Variants in ZC3H4 observed in about 807,000 individuals in gnomAD.
The protein encoded by ZC3H4 is zinc finger CCCH-type containing 4, also known as zinc finger CCCH domain-containing protein 4.
A neutral mutation model predicts 108.3 loss-of-function variants in ZC3H4; 13 were observed. That is an observed-to-expected ratio of 0.12 (90% CI 0.08 to 0.19). The LOEUF is 0.19. ZC3H4 is among the 10% of genes least tolerant of loss of function. The probability of loss-of-function intolerance (pLI) is 1.00; values close to 1 mark genes in which losing one functional copy is unlikely to be tolerated. For missense variants in ZC3H4, 1,734 were observed against 1,838.8 expected (o/e 0.94, Z 1.04); for synonymous variants, 917 against 749.6 (o/e 1.22, Z -3.65).
At position 47,066,592 on chromosome 19, in the gene ZC3H4, C is replaced by T; in HGVS notation, c.3676G>A (p.Ala1226Thr). 6.3e-7 allele frequency: 1 copy of T among 1,599,012 alleles called. No individual in the cohort carries two copies. The highest frequency in any genetic ancestry group is 1.1e-5 in the South Asian group (1 of 89,288). The part of the protein sequence containing the change: ...NSYNRPRPKA[A>T]AAPAATTATP... ...GCGGTGGTGGCAGCGGGGGCTGCAG[C>T]AGCCTTGGGCCGGGGCCGGTTGTAG... Residue 1226 changes from alanine (A) to threonine (T), a missense_variant, in exon 15 of 15, where the codon GCT becomes ACT. Coordinates refer to ENST00000253048, the MANE Select transcript of ZC3H4 (RefSeq NM_015168.2).
chr19:47,112,216 G>C (rs545269619), intron 2 of ZC3H4: 100 of 1,194,770 alleles, frequency 8.4e-5, no homozygotes, highest in Admixed American at 4.7e-4. Context: ...CGCCGCGAGG[G>C]GGGGGAAACG....
chr19:47,090,336 T>C (rs1011362947), intron 4 of ZC3H4, 147 bp from the exon 5 acceptor site: 6 of 823,218 alleles, frequency 7.3e-6, no homozygotes, highest in Non-Finnish European at 9.5e-6. Context: ...CCAGCCCCTC[T>C]GGGGACTGGT....
At position 47,086,473 on chromosome 19, in the gene ZC3H4, T is replaced by A; in HGVS notation, c.781A>T (p.Met261Leu). ...CCCCTGCCTCGGCTGCCCCTGCCCA[T>A]GCCGCGGCCTCGCGATCCTCCACGG... is the stretch of plus-strand genomic sequence containing the variant. Reference protein sequence around the residue: ...GSRGGSRGRGMGRGSRGRGRG... With the variant: ...GSRGGSRGRGLGRGSRGRGRG... Residue 261 changes from methionine to leucine, a missense_variant, in exon 6 of 15, where the codon ATG becomes TTG. Transcript: ENST00000253048. 1 of 1,610,702 alleles carries A rather than the reference T, an allele frequency of 6.2e-7. No individual in the cohort carries two copies.
At chr19:47,100,786 C>T (rs2057894338) in intron 2 of ZC3H4, among the ~76,000 whole-genome samples, 1 of 152,068 alleles carries the variant, frequency 6.6e-6, no homozygotes, top group African/African-American at 2.4e-5. Flanking sequence ...GCAACCTTCG[C>T]CTCCTGGGTT....
chr19:47,100,444 C>T lies in ZC3H4; in HGVS notation c.162-5836G>A, dbSNP rs549435664. On this transcript the variant is annotated intron_variant, in intron 2 of 14. Coordinates refer to ENST00000253048, the MANE Select transcript of ZC3H4 (RefSeq NM_015168.2). ...TGCCATTTCCATGGTAACGTGCCTA[C>T]GCCACGGCAACCACCCAAGTGAGAC... Among the ~76,000 whole-genome samples, 9 of 152,044 alleles carry T rather than the reference C, an allele frequency of 5.9e-5. No homozygotes were observed. The South Asian group carries it at 1.5e-3, about 25-fold the overall frequency.
At chr19:47,103,348 G>T (rs2057926940) in intron 2 of ZC3H4, among the ~76,000 whole-genome samples, 1 of 152,050 alleles carries the variant, frequency 6.6e-6, no homozygotes, top group Non-Finnish European at 1.5e-5. Flanking sequence ...TGTCACCCAG[G>T]CTGGAGTGCA....
intron 2 of ZC3H4, among the ~76,000 whole-genome samples, chr19:47,101,735 G>A (rs1485486899): frequency 6.6e-6 from 1 of 152,006 alleles, no homozygotes; most frequent in Non-Finnish European, 1.5e-5. Flanking sequence ...GCTGGGCGTG[G>A]TGGCGCACGA....
chr19:47,098,226 G>A (rs1322409640), intron 2 of ZC3H4, among the ~76,000 whole-genome samples: 4 of 152,318 alleles, frequency 2.6e-5, no homozygotes, highest in East Asian at 1.9e-4. Flanking sequence ...TGTTCAGACC[G>A]GGTGTGGTGG....
intron 11 of ZC3H4, among the ~76,000 whole-genome samples, chr19:47,079,882 G>T (rs1244322889): frequency 6.6e-6 from 1 of 152,116 alleles, no homozygotes. Context: ...GTGAGACTCT[G>T]TATCAAAAAA....
intron 2 of ZC3H4, chr19:47,097,017 T>A (rs2057832546): frequency 2.0e-6 from 2 of 984,684 alleles, no homozygotes; most frequent in Admixed American, 1.2e-4. Flanking sequence ...TACAGGCTAC[T>A]CTACATCTAA....
At chr19:47,085,013 G>A (rs2057591346) in intron 8 of ZC3H4, 43 bp downstream of exon 8, 11 of 1,609,686 alleles carry the variant, frequency 6.8e-6, no homozygotes, top group Non-Finnish European at 9.3e-6. Flanking sequence ...GGACTAAGAA[G>A]GGACCTTGGC....
chr19:47,112,687 T>TATA, intron 1 of ZC3H4, 98 bp from the exon 2 acceptor site: 1 of 690,056 alleles, frequency 1.4e-6, no homozygotes, highest in Non-Finnish European at 2.0e-6. Context: ...GGGAATGGGG[T>TATA]ATATATTTTT....
chr19:47,076,678 AC>A (rs1392987198), intron 11 of ZC3H4, among the ~76,000 whole-genome samples: 1 of 152,244 alleles, frequency 6.6e-6, no homozygotes, highest in African/African-American at 2.4e-5. Flanking sequence ...AGATGGTGAA[AC>A]CTTATCTCTA....
At chr19:47,111,590 G>A (rs576979564) in intron 2 of ZC3H4, among the ~76,000 whole-genome samples, 1 of 152,164 alleles carries the variant, frequency 6.6e-6, no homozygotes, top group East Asian at 1.9e-4. Flanking sequence ...ACCTACCTAC[G>A]AAAAGCGAGA....
chr19:47,066,966 T>A lies in ZC3H4; in HGVS notation c.3302A>T (p.Glu1101Val), dbSNP rs781305638. ...CGGGCTGGCGGTGGGAGAGGGCGCC[T>A]CAGCAGGGCCGGGCTTGGCAGCCCG... The part of the protein sequence containing the change: ...SSRAAKPGPA[E>V]APSPTASPSG... Residue 1101 changes from glutamate to valine, a missense_variant, in exon 15 of 15, where the codon GAG becomes GTG. By Grantham distance (121) the Glu-to-Val change is moderately radical (BLOSUM62 -2). Coordinates refer to ENST00000253048, the MANE Select transcript of ZC3H4 (RefSeq NM_015168.2). 1.9e-6 allele frequency: 3 copies of A among 1,592,112 alleles called. No individual in the cohort carries two copies. In the African/African-American group the frequency reaches 4.0e-5, roughly 21 times the overall value.
chr19:47,100,424 T>C (rs1235880710), intron 2 of ZC3H4, among the ~76,000 whole-genome samples: 3 of 152,096 alleles, frequency 2.0e-5, no homozygotes, highest in Non-Finnish European at 4.4e-5. Context: ...CATCATGCCA[T>C]TTCCATGGTA....
At chr19:47,082,538 C>G (rs1331244404) in intron 9 of ZC3H4, among the ~76,000 whole-genome samples, 1 of 152,002 alleles carries the variant, frequency 6.6e-6, no homozygotes, top group Non-Finnish European at 1.5e-5. Context: ...GTCTCAAACT[C>G]CTGGGTTCAA....
intron 11 of ZC3H4, among the ~76,000 whole-genome samples, chr19:47,078,967 C>A (rs899215242): frequency 6.9e-6 from 1 of 145,370 alleles, no homozygotes; most frequent in African/African-American, 2.5e-5. Context: ...GCGAAGGTTG[C>A]GGTGAGCAGA....
intron 11 of ZC3H4, among the ~76,000 whole-genome samples, chr19:47,076,145 G>A (rs534719358): frequency 6.6e-6 from 1 of 152,336 alleles, no homozygotes; most frequent in African/African-American, 2.4e-5. Context: ...CCTCGAACTG[G>A]AAACAACTCA....
Sources: allele counts gnomAD v4.1 joint callset (sites outside exome capture counted in the v4.1 genomes callset), GRCh38; gene constraint gnomAD v4.1.1; transcripts MANE v1.5; gene names NCBI Gene and HGNC (gene_info 2026-07-23, HGNC 2026-07-21).